Variants in RHBDD1 observed in about 807,000 individuals in gnomAD.
The protein encoded by RHBDD1 is rhomboid domain containing 1, also known as rhomboid-related protein 4.
Under a neutral mutation model 36.3 loss-of-function variants are expected in RHBDD1, and 38 were observed. That is an observed-to-expected ratio of 1.05 (90% CI 0.81 to 1.37). The LOEUF (loss-of-function observed/expected upper bound fraction) is 1.37. Ranked by LOEUF, RHBDD1 falls within the 40% of genes most tolerant of loss-of-function variation. The probability of loss-of-function intolerance (pLI) is 0.00; values close to 1 mark genes in which losing one functional copy is unlikely to be tolerated. For synonymous variants in RHBDD1, 151 were observed against 136.5 expected, an observed-to-expected ratio of 1.11 and a Z score of -0.74; for missense variants, 393 against 377.6, an observed-to-expected ratio of 1.04 and a Z score of -0.34.
intron 5 of RHBDD1, among the ~76,000 whole-genome samples, chr2:226,877,265 T>C (rs1945315451): frequency 2.6e-5 from 4 of 152,216 alleles, no homozygotes; most frequent in Admixed American, 1.3e-4. Context: ...GATTTTCTAA[T>C]ATTATGCATT....
At chr2:226,960,479 A>G (rs1952113705) in intron 8 of RHBDD1, among the ~76,000 whole-genome samples, 2 of 152,188 alleles carry the variant, frequency 1.3e-5, no homozygotes, top group African/African-American at 4.8e-5. Flanking sequence ...ATTTTCTGTT[A>G]CTTTATATTT....
chr2:226,947,677 A>G (rs1341529922), intron 8 of RHBDD1, among the ~76,000 whole-genome samples: 2 of 152,342 alleles, frequency 1.3e-5, no homozygotes, highest in East Asian at 3.9e-4. Flanking sequence ...CTCATCTGAC[A>G]AAGGGCTAAT....
the RHBDD1 span, among the ~76,000 whole-genome samples, chr2:226,805,401 C>G: frequency 6.6e-6 from 1 of 152,126 alleles, no homozygotes; most frequent in Non-Finnish European, 1.5e-5. Context: ...TTAGTAGATA[C>G]GGAGTTTCAC....
intron 8 of RHBDD1, among the ~76,000 whole-genome samples, chr2:226,923,304 AT>A (rs34995878): frequency 9.2e-5 from 14 of 151,592 alleles, no homozygotes; most frequent in East Asian, 5.8e-4. Context: ...TATAGGATAA[AT>A]TTTTTTTTCC....
chr2:226,977,194 G>A (rs111556431), intron 8 of RHBDD1, among the ~76,000 whole-genome samples: 1,537 of 152,332 alleles, frequency 0.01, 9 homozygotes, highest in Non-Finnish European at 0.017. Context: ...GATGTCTCGC[G>A]TCTCTGGTTT....
rs764835730 is a variant in RHBDD1 at position 226,878,550 on chromosome 2, C to T, written c.566+11232C>T. Among the ~76,000 whole-genome samples the T allele has an allele frequency of 8.7e-4, 132 of 152,194 alleles. 1 individual carries two copies. The highest frequency in any genetic ancestry group is 1.4e-3 in the Non-Finnish European group (95 of 68,034). ...TTGTCTCTGGAGCCCATGTCAAAAGCATACAGCTTTCCCGATGTCACCAGG... is the reference window on the plus strand; with the variant it reads ...TTGTCTCTGGAGCCCATGTCAAAAGTATACAGCTTTCCCGATGTCACCAGG... On this transcript the variant is annotated intron_variant, in intron 5 of 8. Transcript: ENST00000392062.
intron 5 of RHBDD1, among the ~76,000 whole-genome samples, chr2:226,881,539 A>G (rs1250087355): frequency 6.6e-6 from 1 of 152,222 alleles, no homozygotes; most frequent in African/African-American, 2.4e-5. Flanking sequence ...AAGTGAGGTT[A>G]TCTGTCAGAG....
At chr2:226,812,475 T>A in the RHBDD1 span, among the ~76,000 whole-genome samples, 73 of 152,366 alleles carry the variant, frequency 4.8e-4, 3 homozygotes, top group South Asian at 0.014. Flanking sequence ...AAACAACATA[T>A]GTGTCCATCA....
chr2:226,877,284 G>A (rs957417094), intron 5 of RHBDD1, among the ~76,000 whole-genome samples: 3 of 151,982 alleles, frequency 2.0e-5, no homozygotes, highest in African/African-American at 7.3e-5. Context: ...TTGATTATTT[G>A]GAAATATTGG....
At chr2:226,903,413 A>C (rs1423251993) in intron 5 of RHBDD1, among the ~76,000 whole-genome samples, 1 of 152,066 alleles carries the variant, frequency 6.6e-6, no homozygotes, top group Non-Finnish European at 1.5e-5. Context: ...TCTGCTACCC[A>C]CCCGTGAGTC....
chr2:226,915,125 G>A (rs1948808088), intron 8 of RHBDD1, among the ~76,000 whole-genome samples: 1 of 151,986 alleles, frequency 6.6e-6, no homozygotes, highest in Non-Finnish European at 1.5e-5. Context: ...TACCACACAG[G>A]TAACCCTAGC....
At chr2:226,945,584 A>C (rs1015358648) in intron 8 of RHBDD1, among the ~76,000 whole-genome samples, 4 of 152,056 alleles carry the variant, frequency 2.6e-5, no homozygotes, top group Admixed American at 6.5e-5. Context: ...GTTGGTTCCA[A>C]GTCTTTGCTA....
chr2:226,976,733 T>C (rs1954654008), intron 8 of RHBDD1, among the ~76,000 whole-genome samples: 1 of 152,192 alleles, frequency 6.6e-6, no homozygotes, highest in East Asian at 1.9e-4. Flanking sequence ...GGCTTCTAAG[T>C]GCTGCAGGCA....
At chr2:226,931,780 G>A (rs1052770768) in intron 8 of RHBDD1, among the ~76,000 whole-genome samples, 1 of 151,758 alleles carries the variant, frequency 6.6e-6, no homozygotes, top group Non-Finnish European at 1.5e-5. Context: ...AGATAGCATG[G>A]ATCCTCTTAG....
At chr2:226,903,667 G>C (rs1947784228) in intron 5 of RHBDD1, among the ~76,000 whole-genome samples, 1 of 152,100 alleles carries the variant, frequency 6.6e-6, no homozygotes, top group South Asian at 2.1e-4. Flanking sequence ...CAGAAACAGT[G>C]GGTAGAAGAG....
chr2:226,865,918 G>A (rs1944286689), intron 4 of RHBDD1, among the ~76,000 whole-genome samples: 2 of 152,206 alleles, frequency 1.3e-5, no homozygotes, highest in African/African-American at 4.8e-5. Flanking sequence ...GTCCTGCGAT[G>A]CCTCTGGATG....
chr2:226,950,260 A>T (rs1951330730), intron 8 of RHBDD1, among the ~76,000 whole-genome samples: 1 of 152,162 alleles, frequency 6.6e-6, no homozygotes, highest in South Asian at 2.1e-4. Flanking sequence ...TCAGTTTTTT[A>T]AGATTCCATA....
intron 5 of RHBDD1, among the ~76,000 whole-genome samples, chr2:226,883,308 T>A (rs1945928228): frequency 6.6e-6 from 1 of 152,232 alleles, no homozygotes; most frequent in South Asian, 2.1e-4. Flanking sequence ...TAGACAGGCC[T>A]GCTGTGGTTC....
At chr2:226,985,258 A>G (rs1341102017) in intron 8 of RHBDD1, among the ~76,000 whole-genome samples, 5 of 152,192 alleles carry the variant, frequency 3.3e-5, no homozygotes, top group African/African-American at 9.7e-5. Flanking sequence ...ATCTGTATCT[A>G]TATCTCTCCC....
Sources: gnomAD v4.1 joint callset for allele counts (sites outside exome capture counted in the v4.1 genomes callset) on GRCh38, gnomAD v4.1.1 for gene constraint, MANE v1.5 for transcripts, NCBI Gene and HGNC (gene_info 2026-07-23, HGNC 2026-07-21) for gene names.